The following ARFGEF2 variants were observed in gnomAD, a reference collection of about 807,000 sequenced individuals.
The protein encoded by ARFGEF2 is brefeldin A-inhibited guanine nucleotide-exchange protein 2.
ARFGEF2 carries 74 observed loss-of-function variants against 219.9 expected under a neutral mutation model. That is an observed-to-expected ratio of 0.34 (90% CI 0.28 to 0.41). The LOEUF is 0.41. Ranked by LOEUF, ARFGEF2 falls within the 10% of genes least tolerant of loss-of-function variation. The pLI is 1.00. For missense variants in ARFGEF2, 1,743 were observed against 2,218.3 expected (o/e 0.79, Z 4.30); for synonymous variants, 733 against 799.2 (o/e 0.92, Z 1.40).
At chr20:48,934,990 A>G (rs894264458) in intron 1 of ARFGEF2, among the ~76,000 whole-genome samples, 184 of 152,200 alleles carry the variant, frequency 1.2e-3, no homozygotes, top group Non-Finnish European at 2.1e-3. Context: ...AAGCGTTCCT[A>G]TTTCTCCACA....
At chr20:48,947,593 G>C (rs1332573743) in intron 3 of ARFGEF2, among the ~76,000 whole-genome samples, 2 of 152,112 alleles carry the variant, frequency 1.3e-5, no homozygotes, top group Non-Finnish European at 2.9e-5. Context: ...AGGCGCAGTA[G>C]CTCACGCCTG....
intron 25 of ARFGEF2, among the ~76,000 whole-genome samples, chr20:48,999,880 C>G (rs2091414712): frequency 6.6e-6 from 1 of 151,852 alleles, no homozygotes; most frequent in South Asian, 2.1e-4. Flanking sequence ...TTTCTCAAAC[C>G]TGGTGGTGAA....
chr20:48,950,380 A>G (rs996849132), intron 3 of ARFGEF2, among the ~76,000 whole-genome samples: 10 of 152,122 alleles, frequency 6.6e-5, no homozygotes, highest in African/African-American at 2.4e-4. Context: ...TCCTCCCTCA[A>G]GCAACCATGT....
chr20:48,945,466 A>T (rs921555139), intron 3 of ARFGEF2, among the ~76,000 whole-genome samples: 4 of 152,188 alleles, frequency 2.6e-5, no homozygotes, highest in African/African-American at 9.7e-5. Context: ...TTGTTTCTGG[A>T]ACTCCTTGCA....
At chr20:49,010,625 A>G (rs1458978764) in intron 27 of ARFGEF2, among the ~76,000 whole-genome samples, 1 of 152,172 alleles carries the variant, frequency 6.6e-6, no homozygotes, top group Non-Finnish European at 1.5e-5. Context: ...TCCTGTTATC[A>G]GTCAGTTGGG....
In ARFGEF2 at chr20:48,969,227, C is replaced by G; in HGVS notation, c.1140C>G (p.Ser380=). The G allele has an allele frequency of 6.2e-7, 1 of 1,614,202 alleles. No individual in the cohort carries two copies. The highest frequency in any genetic ancestry group is 1.1e-5 in the South Asian group (1 of 91,084). Residue 380 remains serine (S), a synonymous_variant, in exon 9 of 39, where the codon TCC becomes TCG. Coordinates refer to ENST00000371917, the MANE Select transcript of ARFGEF2 (RefSeq NM_006420.3). ...AGGATGCCTTCCTTGTGTTCCGCTC[C>G]CTGTGCAAGCTGTCCATGAAACCCC... ...LQKDAFLVFR[S]LCKLSMKPLG...
At position 48,962,969 on chromosome 20, in the gene ARFGEF2, G is replaced by A. The variant is rs139346578; in HGVS notation, c.839-861G>A. Among the ~76,000 whole-genome samples, 293 of 152,106 alleles carry A rather than the reference G, an allele frequency of 1.9e-3. 1 individual carries two copies. Among genetic ancestry groups the A allele is most frequent in the African/African-American group, 6.7e-3 (279 of 41,454 alleles). ...CACGCTTGTAATCCCAGCACTTTGC[G>A]ATGCCAAGGTGGTAGATCACTTGAA... On this transcript the variant is annotated intron_variant, in intron 6 of 38. Transcript: ENST00000371917.
chr20:48,989,202 T>C (rs907821021), intron 18 of ARFGEF2, 83 bp from the exon 19 acceptor site: 3 of 1,447,264 alleles, frequency 2.1e-6, no homozygotes, highest in Non-Finnish European at 2.9e-6. Context: ...GAGTTAATCA[T>C]TGTGCATCTT....
intron 1 of ARFGEF2, among the ~76,000 whole-genome samples, chr20:48,937,169 A>G (rs1291412408): frequency 2.0e-5 from 3 of 152,142 alleles, no homozygotes; most frequent in South Asian, 4.1e-4. Flanking sequence ...CTAAGCCCCC[A>G]TTGCTGCTAG....
intron 21 of ARFGEF2, among the ~76,000 whole-genome samples, chr20:48,993,601 G>A (rs899773322): frequency 2.6e-5 from 4 of 152,158 alleles, no homozygotes; most frequent in Non-Finnish European, 5.9e-5. Flanking sequence ...AATTCCTTAG[G>A]GTTTCCCTGG....
At chr20:49,002,789 C>CA (rs2091432974) in intron 25 of ARFGEF2, among the ~76,000 whole-genome samples, 1 of 150,596 alleles carries the variant, frequency 6.6e-6, no homozygotes, top group African/African-American at 2.4e-5. Flanking sequence ...GGATTATAGG[C>CA]ACCCACCACC....
In ARFGEF2 at chr20:48,991,089, C is replaced by G; in HGVS notation, c.2864C>G (p.Thr955Arg). ...VQALARFSLL[T>R]ASSSITEMKQ... The stretch of plus-strand genomic sequence containing the variant: ...GCTCTTGCTCGCTTCTCCCTACTCA[C>G]AGCCAGCTCCAGCATCACAGAAATG... Residue 955 changes from threonine (T) to arginine (R), a missense_variant, in exon 21 of 39, where the codon ACA becomes AGA. This residue lies in a region of ARFGEF2 where 666 missense variants were observed against 955.4 expected (regional missense o/e 0.70). Transcript: ENST00000371917. The G allele has an allele frequency of 6.2e-7, 1 of 1,614,196 alleles. No homozygotes were observed. Among genetic ancestry groups the G allele is most frequent in the Non-Finnish European group, 8.5e-7 (1 of 1,180,030 alleles).
chr20:49,032,973 CAAAA>C (rs200019014), intron 38 of ARFGEF2, 46 bp from the exon 39 acceptor site: 6 of 1,300,210 alleles, frequency 4.6e-6, no homozygotes, highest in South Asian at 1.2e-5. Context: ...AACTGGTGCC[CAAAA>C]AAAAAAAAAA....
chr20:48,959,653 A>G (rs1244660275), intron 6 of ARFGEF2, among the ~76,000 whole-genome samples: 5 of 124,896 alleles, frequency 4.0e-5, no homozygotes, highest in Non-Finnish European at 7.9e-5. Context: ...TCTGTCACCC[A>G]GGCTGGAGTG....
intron 10 of ARFGEF2, among the ~76,000 whole-genome samples, chr20:48,971,942 A>G (rs1568713747): frequency 6.6e-6 from 1 of 152,034 alleles, no homozygotes; most frequent in Non-Finnish European, 1.5e-5. Flanking sequence ...TGTGCCTTTC[A>G]TTTTAACCAA....
chr20:49,005,737 C>CAAA (rs56730863), intron 26 of ARFGEF2, among the ~76,000 whole-genome samples: 16 of 62,072 alleles, frequency 2.6e-4, no homozygotes, highest in Admixed American at 3.7e-4. Context: ...GACTCCGTCT[C>CAAA]AAAAAAAAAA....
At chr20:48,973,363 G>C in intron 12 of ARFGEF2, 79 bp downstream of exon 12, 1 of 1,485,336 alleles carries the variant, frequency 6.7e-7, no homozygotes, top group African/African-American at 1.4e-5. Context: ...CCACATGCCA[G>C]GCACTGTCCT....
At chr20:48,945,387 C>G (rs2091019317) in intron 3 of ARFGEF2, among the ~76,000 whole-genome samples, 1 of 152,190 alleles carries the variant, frequency 6.6e-6, no homozygotes. Context: ...AAAAAGGTTG[C>G]TGCTCTTAAC....
intron 1 of ARFGEF2, among the ~76,000 whole-genome samples, chr20:48,933,234 G>A (rs2090924201): frequency 6.6e-6 from 1 of 152,218 alleles, no homozygotes; most frequent in African/African-American, 2.4e-5. Flanking sequence ...CTGTTAAGAT[G>A]TGGAGCAATA....
Sources: gnomAD v4.1 joint callset for allele counts (sites outside exome capture counted in the v4.1 genomes callset) on GRCh38, gnomAD v4.1.1 for gene constraint, gnomAD v4.1.1 regional missense constraint, MANE v1.5 for transcripts, NCBI Gene and HGNC (gene_info 2026-07-23, HGNC 2026-07-21) for gene names.